The following PCA3 variants were observed in gnomAD, a reference collection of about 807,000 sequenced individuals.
PCA3 encodes prostate cancer associated 3.
At chr9:76,772,859 C>T (rs143767135) in intron 2 of PCA3, among the ~76,000 whole-genome samples, 13 of 152,258 alleles carry the variant, frequency 8.5e-5, no homozygotes, top group African/African-American at 3.1e-4. Context: ...GCCACTGTAC[C>T]CAGCCTGACT....
At chr9:76,772,313 T>C (rs554149338) in intron 2 of PCA3, among the ~76,000 whole-genome samples, 1 of 152,294 alleles carries the variant, frequency 6.6e-6, no homozygotes, top group East Asian at 1.9e-4. Flanking sequence ...ATAGTTACAA[T>C]TATTTTGTCA....
intron 2 of PCA3, chr9:76,785,852 G>C (rs1396205074): frequency 6.6e-6 from 1 of 152,046 alleles, no homozygotes; most frequent in Non-Finnish European, 1.5e-5. Context: ...TGCCAATGAT[G>C]TATCACCACC....
At chr9:76,767,056 A>G (rs548070348) in intron 2 of PCA3, among the ~76,000 whole-genome samples, 1 of 152,288 alleles carries the variant, frequency 6.6e-6, no homozygotes, top group Non-Finnish European at 1.5e-5. Context: ...ATTCTGGTAT[A>G]GCGTCTCCAA....
At chr9:76,773,264 C>A (rs1564268707) in intron 2 of PCA3, among the ~76,000 whole-genome samples, 1 of 152,182 alleles carries the variant, frequency 6.6e-6, no homozygotes, top group Non-Finnish European at 1.5e-5. Context: ...GGCCATGTTA[C>A]TTCCAAATCC....
intron 2 of PCA3, among the ~76,000 whole-genome samples, chr9:76,766,516 C>T (rs1180883990): frequency 6.6e-6 from 1 of 152,184 alleles, no homozygotes; most frequent in Non-Finnish European, 1.5e-5. Context: ...TTTCTTTCTG[C>T]TAAATTAACT....
intron 2 of PCA3, among the ~76,000 whole-genome samples, chr9:76,776,518 C>CTTTTTTTTTTTTTTTTT (rs796197139): frequency 8.1e-6 from 1 of 122,850 alleles, no homozygotes; most frequent in Non-Finnish European, 1.7e-5. Flanking sequence ...TTTCTTTTTT[C>CTTTTTTTTTTTTTTTTT]TTTTTTTTTT....
intron 2 of PCA3, among the ~76,000 whole-genome samples, chr9:76,780,174 T>A (rs1024580028): frequency 6.6e-6 from 1 of 152,224 alleles, no homozygotes; most frequent in African/African-American, 2.4e-5. Flanking sequence ...ACATATTTTT[T>A]AAAACTGGTT....
At chr9:76,781,796 G>A (rs1163474612) in intron 2 of PCA3, among the ~76,000 whole-genome samples, 1 of 152,206 alleles carries the variant, frequency 6.6e-6, no homozygotes, top group Non-Finnish European at 1.5e-5. Context: ...AACGGTGAAT[G>A]TCTTGGTATT....
Position 76,772,180 on chromosome 9 carries a change from C to T in PCA3, n.852+35565C>T, listed in dbSNP as rs184248774. On this transcript the variant is annotated intron_variant and non_coding_transcript_variant, in intron 2 of 5. Coordinates refer to ENST00000644657, the Ensembl canonical transcript of PCA3. ...GTGTTGCTCGTTGTTTTTATCCTATCCTGGCACCAAAATGAACCACTTTTT... is the reference window on the plus strand; with the variant it reads ...GTGTTGCTCGTTGTTTTTATCCTATTCTGGCACCAAAATGAACCACTTTTT... Among the ~76,000 whole-genome samples, 274 of 152,240 alleles carry T rather than the reference C, an allele frequency of 1.8e-3. 1 individual carries two copies. The highest frequency in any genetic ancestry group is 6.2e-3 in the African/African-American group (258 of 41,526).
chr9:76,771,983 T>C (rs2130956617), intron 2 of PCA3, among the ~76,000 whole-genome samples: 1 of 152,292 alleles, frequency 6.6e-6, no homozygotes, highest in Middle Eastern at 3.4e-3. Context: ...CAAACACAAA[T>C]CTGCACTACA....
intron 2 of PCA3, among the ~76,000 whole-genome samples, chr9:76,780,201 C>T (rs911179296): frequency 6.6e-6 from 1 of 152,128 alleles, no homozygotes; most frequent in South Asian, 2.1e-4. Flanking sequence ...AGCTACATGA[C>T]CCAATTATAT....
intron 2 of PCA3, chr9:76,782,832 G>C (rs1446844835): frequency 6.6e-6 from 1 of 152,156 alleles, no homozygotes; most frequent in African/African-American, 2.4e-5. Flanking sequence ...CAATGGCAGG[G>C]GTGAGTTACA....
intron 2 of PCA3, among the ~76,000 whole-genome samples, chr9:76,766,995 C>A (rs116546485): frequency 1.3e-5 from 2 of 152,162 alleles, no homozygotes; most frequent in Non-Finnish European, 2.9e-5. Context: ...CCCCCCAAGG[C>A]GAAGGTAGGC....
At chr9:76,768,939 C>A (rs1174941611) in intron 2 of PCA3, among the ~76,000 whole-genome samples, 3 of 152,180 alleles carry the variant, frequency 2.0e-5, no homozygotes, top group Non-Finnish European at 2.9e-5. Flanking sequence ...GTAATAGATG[C>A]CTTGTTTTAA....
At chr9:76,770,399 A>G (rs1184370333) in intron 2 of PCA3, among the ~76,000 whole-genome samples, 1 of 152,132 alleles carries the variant, frequency 6.6e-6, no homozygotes, top group Non-Finnish European at 1.5e-5. Flanking sequence ...TTGAAAACAC[A>G]TTTTCAATCC....
intron 2 of PCA3, among the ~76,000 whole-genome samples, chr9:76,775,162 T>C (rs1216127697): frequency 6.6e-6 from 1 of 152,208 alleles, no homozygotes; most frequent in South Asian, 2.1e-4. Context: ...AAGGACTTTT[T>C]CACTAACCAT....
intron 2 of PCA3, among the ~76,000 whole-genome samples, chr9:76,768,222 T>C (rs1456744697): frequency 6.6e-6 from 1 of 152,080 alleles, no homozygotes; most frequent in African/African-American, 2.4e-5. Flanking sequence ...AGATGGATTC[T>C]CGCTCTGTCG....
intron 2 of PCA3, among the ~76,000 whole-genome samples, chr9:76,770,420 C>T (rs1406866450): frequency 6.6e-6 from 1 of 151,940 alleles, no homozygotes; most frequent in Admixed American, 6.6e-5. Flanking sequence ...AATCTATTGC[C>T]TTATTTTTAA....
intron 2 of PCA3, among the ~76,000 whole-genome samples, chr9:76,777,113 A>C (rs1273636331): frequency 1.3e-5 from 2 of 151,840 alleles, no homozygotes; most frequent in Non-Finnish European, 2.9e-5. Context: ...TATATTGCTG[A>C]GAGATGATGT....
Sources: gnomAD v4.1 joint callset for allele counts (sites outside exome capture counted in the v4.1 genomes callset) on GRCh38, gnomAD v4.1.1 for gene constraint, MANE v1.5 for transcripts, NCBI Gene and HGNC (gene_info 2026-07-23, HGNC 2026-07-21) for gene names.